The following PTPRM variants were observed in gnomAD, a reference collection of about 807,000 sequenced individuals.
PTPRM encodes the protein protein tyrosine phosphatase receptor type M.
A neutral mutation model predicts 186.7 loss-of-function variants in PTPRM; 47 were observed. That is an observed-to-expected ratio of 0.25 (90% CI 0.20 to 0.32). The LOEUF (loss-of-function observed/expected upper bound fraction) is 0.32, where lower values mean the gene tolerates loss of function less well. PTPRM is among the 10% of genes least tolerant of loss of function. The pLI is 1.00. For synonymous variants in PTPRM, 668 were observed against 674.9 expected (o/e 0.99, Z 0.16); for missense variants, 1,494 against 1,865.0 (o/e 0.80, Z 3.66).
At chr18:8,086,125 C>T (rs966903700) in intron 10 of PTPRM, among the ~76,000 whole-genome samples, 2 of 152,140 alleles carry the variant, frequency 1.3e-5, no homozygotes, top group Non-Finnish European at 2.9e-5. Flanking sequence ...GGGCATGAGG[C>T]AGAAGGTTCT....
chr18:8,249,936 C>T (rs999209747), intron 17 of PTPRM, among the ~76,000 whole-genome samples: 1 of 151,358 alleles, frequency 6.6e-6, no homozygotes, highest in Admixed American at 6.6e-5. Flanking sequence ...ATTCCTTACA[C>T]GTTACTTGGT....
At chr18:8,185,704 G>A (rs1051424420) in intron 14 of PTPRM, among the ~76,000 whole-genome samples, 6 of 152,168 alleles carry the variant, frequency 3.9e-5, no homozygotes. Context: ...AAAAACATAT[G>A]TTCCTTTTGT....
intron 23 of PTPRM, among the ~76,000 whole-genome samples, chr18:8,345,332 T>C (rs1366245355): frequency 6.6e-6 from 1 of 152,114 alleles, no homozygotes; most frequent in Admixed American, 6.5e-5. Flanking sequence ...GCTGGTTTTG[T>C]GAAAAGGTTA....
At chr18:7,796,911 G>A (rs896995543) in intron 2 of PTPRM, among the ~76,000 whole-genome samples, 1 of 152,110 alleles carries the variant, frequency 6.6e-6, no homozygotes, top group Non-Finnish European at 1.5e-5. Context: ...AACTTTTAGG[G>A]ACCAAACAAT....
intron 1 of PTPRM, among the ~76,000 whole-genome samples, chr18:7,726,759 T>C (rs2040558027): frequency 6.6e-6 from 1 of 152,226 alleles, no homozygotes; most frequent in African/African-American, 2.4e-5. Context: ...TTTGGGTACA[T>C]TGAGGGTATC....
At chr18:7,870,945 C>A (rs1379115665) in intron 2 of PTPRM, among the ~76,000 whole-genome samples, 1 of 152,166 alleles carries the variant, frequency 6.6e-6, no homozygotes, top group Admixed American at 6.5e-5. Context: ...ACGTATCTGA[C>A]CTGTTTGTGT....
At chr18:7,756,896 G>T (rs1032075752) in intron 1 of PTPRM, among the ~76,000 whole-genome samples, 1 of 152,142 alleles carries the variant, frequency 6.6e-6, no homozygotes, top group Non-Finnish European at 1.5e-5. Context: ...CATCAATGTG[G>T]CAGTGTAATA....
intron 2 of PTPRM, among the ~76,000 whole-genome samples, chr18:7,795,829 TAGAG>T (rs1160758543): frequency 1.3e-5 from 2 of 148,712 alleles, no homozygotes; most frequent in Non-Finnish European, 3.0e-5. Flanking sequence ...TTTTTTTTTT[TAGAG>T]AGACAGGGTC....
At chr18:8,316,000 A>C (rs1478017226) in intron 21 of PTPRM, among the ~76,000 whole-genome samples, 3 of 152,206 alleles carry the variant, frequency 2.0e-5, no homozygotes, top group Non-Finnish European at 1.5e-5. Context: ...GGTGCATTGC[A>C]CTTACTCTTT....
intron 2 of PTPRM, among the ~76,000 whole-genome samples, chr18:7,884,047 T>A (rs1484936821): frequency 6.6e-6 from 1 of 152,080 alleles, no homozygotes. Context: ...CTCGGGAGGC[T>A]GAAATGGGAG....
At chr18:7,652,758 T>TG (rs1473832887) in intron 1 of PTPRM, among the ~76,000 whole-genome samples, 1 of 63,306 alleles carries the variant, frequency 1.6e-5, no homozygotes, top group Admixed American at 2.6e-4. Context: ...TGTTGTGGGG[T>TG]GGGGGGAGGG....
At chr18:7,640,991 C>T (rs2038429496) in intron 1 of PTPRM, among the ~76,000 whole-genome samples, 1 of 152,130 alleles carries the variant, frequency 6.6e-6, no homozygotes, top group Non-Finnish European at 1.5e-5. Context: ...GAATAGAGCA[C>T]AAATCTGCTA....
At chr18:7,898,396 A>T (rs1217934633) in intron 3 of PTPRM, among the ~76,000 whole-genome samples, 1 of 152,152 alleles carries the variant, frequency 6.6e-6, no homozygotes, top group Non-Finnish European at 1.5e-5. Context: ...AGCAAGGAAA[A>T]GTGGCAGCAT....
At chr18:8,282,898 G>A (rs1160618741) in intron 19 of PTPRM, among the ~76,000 whole-genome samples, 1 of 152,152 alleles carries the variant, frequency 6.6e-6, no homozygotes, top group African/African-American at 2.4e-5. Flanking sequence ...ATATTACTGA[G>A]CTGCAAAAAG....
chr18:8,379,043 G>A (rs1445631984), intron 27 of PTPRM, 124 bp from the exon 28 acceptor site: 31 of 712,202 alleles, frequency 4.4e-5, no homozygotes, highest in Admixed American at 6.6e-5. Flanking sequence ...GTGGGTTGGG[G>A]AGGGAGGGGG....
intron 3 of PTPRM, among the ~76,000 whole-genome samples, chr18:7,889,145 T>C (rs1045688472): frequency 2.0e-5 from 3 of 152,126 alleles, no homozygotes; most frequent in Non-Finnish European, 4.4e-5. Flanking sequence ...AATAAATTTT[T>C]ATAACAGTGC....
At chr18:7,700,623 C>T (rs1348562705) in intron 1 of PTPRM, among the ~76,000 whole-genome samples, 2 of 152,150 alleles carry the variant, frequency 1.3e-5, no homozygotes, top group Non-Finnish European at 2.9e-5. Flanking sequence ...GAGGTAGAGG[C>T]AACCACAAAA....
At chr18:7,948,169 AC>A (rs2052677783) in intron 5 of PTPRM, among the ~76,000 whole-genome samples, 1 of 149,508 alleles carries the variant, frequency 6.7e-6, no homozygotes, top group Non-Finnish European at 1.5e-5. Flanking sequence ...ACACACACAC[AC>A]ACACACAGGT....
At chr18:7,739,131 C>T (rs2144489247) in intron 1 of PTPRM, among the ~76,000 whole-genome samples, 1 of 128,444 alleles carries the variant, frequency 7.8e-6, no homozygotes, top group East Asian at 3.6e-4. Flanking sequence ...AGATGGCACT[C>T]AAAAATGACA....
Sources: gnomAD v4.1 joint callset for allele counts (sites outside exome capture counted in the v4.1 genomes callset) on GRCh38, gnomAD v4.1.1 for gene constraint, MANE v1.5 for transcripts, NCBI Gene and HGNC (gene_info 2026-07-23, HGNC 2026-07-21) for gene names.